Variants in TNR observed in about 807,000 individuals in gnomAD.
The protein encoded by TNR is tenascin R.
Under a neutral mutation model 150.4 loss-of-function variants are expected in TNR, and 45 were observed. The ratio of observed to expected loss-of-function variants is 0.30; its 90% CI spans 0.24 to 0.38. The LOEUF (loss-of-function observed/expected upper bound fraction) is 0.38. Among genes scored for constraint, TNR ranks in the 10% least tolerant of loss-of-function variants. The pLI, the probability that TNR is intolerant of heterozygous loss-of-function variation, is 1.00. For synonymous variants in TNR, 687 were observed against 678.4 expected (o/e 1.01, Z -0.20); for missense variants, 1,544 against 1,759.1 (o/e 0.88, Z 2.19).
chr1:175,326,494 T>C (rs189764406), intron 21 of TNR, among the ~76,000 whole-genome samples: 8 of 152,220 alleles, frequency 5.3e-5, no homozygotes, highest in Admixed American at 5.2e-4. Context: ...AGGCCCTAAC[T>C]CAACATGACA....
At chr1:175,536,633 T>C (rs370508585) in intron 1 of TNR, among the ~76,000 whole-genome samples, 4 of 152,144 alleles carry the variant, frequency 2.6e-5, no homozygotes, top group African/African-American at 9.7e-5. Flanking sequence ...CCTTCATGTG[T>C]TTGTGTGAGG....
intron 1 of TNR, among the ~76,000 whole-genome samples, chr1:175,606,616 A>G (rs1663411818): frequency 6.6e-6 from 1 of 152,122 alleles, no homozygotes; most frequent in East Asian, 1.9e-4. Flanking sequence ...ATTCCTGAAC[A>G]TGACTTATGG....
chr1:175,366,415 A>G (rs10489317), intron 10 of TNR, among the ~76,000 whole-genome samples: 31,766 of 152,196 alleles, frequency 0.21, 3,507 homozygotes, highest in Non-Finnish European at 0.25. Flanking sequence ...CTGATTTTCA[A>G]GCTCGCCATA....
At chr1:175,455,009 T>C (rs908015486) in intron 2 of TNR, among the ~76,000 whole-genome samples, 10 of 152,140 alleles carry the variant, frequency 6.6e-5, no homozygotes, top group African/African-American at 2.4e-4. Flanking sequence ...TGAGGCTACA[T>C]TGTGAAGGCA....
intron 1 of TNR, among the ~76,000 whole-genome samples, chr1:175,644,361 AT>A (rs1217176030): frequency 6.6e-6 from 1 of 152,188 alleles, no homozygotes; most frequent in Non-Finnish European, 1.5e-5. Context: ...TCTATCCTTG[AT>A]GTGAGCTATA....
chr1:175,504,767 C>T (rs564714433), intron 2 of TNR, among the ~76,000 whole-genome samples: 6 of 152,322 alleles, frequency 3.9e-5, no homozygotes, highest in African/African-American at 9.6e-5. Context: ...TGTTGGAGCC[C>T]TAGTCCCCAG....
chr1:175,341,810 C>T (rs1363156359), intron 18 of TNR, among the ~76,000 whole-genome samples: 8 of 152,172 alleles, frequency 5.3e-5, no homozygotes, highest in African/African-American at 9.7e-5. Flanking sequence ...GAAGTGCAGG[C>T]GGCCACCTCT....
chr1:175,593,722 C>T (rs1192807910), intron 1 of TNR, among the ~76,000 whole-genome samples: 2 of 152,178 alleles, frequency 1.3e-5, no homozygotes, highest in East Asian at 3.9e-4. Context: ...ACTCTGTCCC[C>T]TCTTCTATTG....
intron 2 of TNR, among the ~76,000 whole-genome samples, chr1:175,442,140 T>C (rs995791031): frequency 6.6e-6 from 1 of 152,214 alleles, no homozygotes; most frequent in Non-Finnish European, 1.5e-5. Flanking sequence ...TGGTAGATAG[T>C]GCAGTCAATT....
chr1:175,496,483 G>A (rs942498497), intron 2 of TNR, among the ~76,000 whole-genome samples: 1 of 152,138 alleles, frequency 6.6e-6, no homozygotes, highest in Non-Finnish European at 1.5e-5. Flanking sequence ...AGCATCTCTG[G>A]CACTGTTTAC....
At chr1:175,631,063 C>T (rs564034982) in intron 1 of TNR, among the ~76,000 whole-genome samples, 14 of 152,328 alleles carry the variant, frequency 9.2e-5, no homozygotes, top group South Asian at 2.1e-4. Flanking sequence ...CAAATTTCAA[C>T]GGCGCAATCT....
intron 2 of TNR, among the ~76,000 whole-genome samples, chr1:175,449,713 T>G (rs1010873752): frequency 6.6e-5 from 10 of 152,198 alleles, no homozygotes; most frequent in Non-Finnish European, 1.3e-4. Context: ...GGTTAGCATG[T>G]TGGGCCCCAA....
At chr1:175,338,718 CAG>C (rs1025957274) in intron 18 of TNR, among the ~76,000 whole-genome samples, 2 of 152,186 alleles carry the variant, frequency 1.3e-5, no homozygotes, top group African/African-American at 4.8e-5. Context: ...AGGTGTGACA[CAG>C]GGCCCGCTGG....
At chr1:175,343,336 G>T (rs2027866) in intron 18 of TNR, among the ~76,000 whole-genome samples, 3 of 151,976 alleles carry the variant, frequency 2.0e-5, no homozygotes, top group Admixed American at 1.3e-4. Flanking sequence ...GTAATTACTC[G>T]TCCCTAGGCC....
intron 6 of TNR, among the ~76,000 whole-genome samples, chr1:175,392,335 G>A (rs979229771): frequency 1.2e-4 from 18 of 152,086 alleles, no homozygotes; most frequent in Admixed American, 7.9e-4. Context: ...TGCCTTATAT[G>A]TAATTTACAG....
chr1:175,582,604 A>G (rs1032729405), intron 1 of TNR, among the ~76,000 whole-genome samples: 1 of 152,178 alleles, frequency 6.6e-6, no homozygotes, highest in African/African-American at 2.4e-5. Context: ...GGAGAACTCC[A>G]CATAGTGAGC....
At chr1:175,332,850 G>A (rs1282241591) in intron 20 of TNR, among the ~76,000 whole-genome samples, 1 of 152,186 alleles carries the variant, frequency 6.6e-6, no homozygotes, top group Admixed American at 6.5e-5. Flanking sequence ...TCTTATGTTA[G>A]AACAGTGTTA....
chr1:175,722,499 C>G (rs1250992887), intron 1 of TNR, among the ~76,000 whole-genome samples: 1 of 152,166 alleles, frequency 6.6e-6, no homozygotes, highest in African/African-American at 2.4e-5. Flanking sequence ...AGACCTCACT[C>G]TGTTGCCCAG....
intron 1 of TNR, among the ~76,000 whole-genome samples, chr1:175,691,650 G>C (rs1421119422): frequency 6.6e-6 from 1 of 152,042 alleles, no homozygotes; most frequent in African/African-American, 2.4e-5. Flanking sequence ...CCCCAAACTT[G>C]GTTTATTAAT....
Sources: gnomAD v4.1 joint callset for allele counts (sites outside exome capture counted in the v4.1 genomes callset) on GRCh38, gnomAD v4.1.1 for gene constraint, MANE v1.5 for transcripts, NCBI Gene and HGNC (gene_info 2026-07-23, HGNC 2026-07-21) for gene names.